Variants in LIPH observed in about 807,000 individuals in gnomAD.
LIPH encodes lipase member H.
In LIPH, 32 loss-of-function variants were observed where a neutral mutation model predicts 47.6. That is an observed-to-expected ratio of 0.67 (90% CI 0.51 to 0.90). The LOEUF (loss-of-function observed/expected upper bound fraction) is 0.90, where lower values mean the gene tolerates loss of function less well. Ranked by LOEUF, LIPH falls within the 40% of genes least tolerant of loss-of-function variation. The pLI is 0.00. For missense variants in LIPH, 497 were observed against 541.4 expected, an observed-to-expected ratio of 0.92 and a Z score of 0.81; for synonymous variants, 190 against 195.6, an observed-to-expected ratio of 0.97 and a Z score of 0.24.
At chr3:185,526,643 A>T (rs1234799659) in intron 4 of LIPH, among the ~76,000 whole-genome samples, 2 of 133,772 alleles carry the variant, frequency 1.5e-5, no homozygotes, top group Admixed American at 8.0e-5. Flanking sequence ...AAAATAAATA[A>T]AATAAAATAA....
intron 1 of LIPH, among the ~76,000 whole-genome samples, chr3:185,544,925 C>T (rs1039502955): frequency 9.2e-5 from 14 of 152,128 alleles, no homozygotes; most frequent in Non-Finnish European, 1.8e-4. Context: ...CCACCACACC[C>T]GGCCTCATTC....
intron 1 of LIPH, among the ~76,000 whole-genome samples, chr3:185,551,720 T>G (rs1166968956): frequency 6.6e-6 from 1 of 152,114 alleles, no homozygotes; most frequent in Non-Finnish European, 1.5e-5. Flanking sequence ...ATATTTACCC[T>G]TTGCCCTTCA....
Position 185,511,551 on chromosome 3 carries a change from T to A in LIPH, c.1241A>T (p.Lys414Met), listed in dbSNP as rs544409940. The change falls in exon 9 of 10, where the codon AAG becomes ATG. Residue 414 changes from lysine to methionine, a missense_variant. By Grantham distance (95) the Lys-to-Met change is moderately conservative (BLOSUM62 -1). Coordinates refer to ENST00000296252, the MANE Select transcript of LIPH (RefSeq NM_139248.3). ...CTCCGGATGGGCAAGGGACCTTAAC[T>A]TCATTCGGAGAATCCTGAGCTTGTA... ...PRYKLRILRMKLRSLAHPERP... is the reference protein window; with the variant it reads ...PRYKLRILRMMLRSLAHPERP... 6.2e-7 allele frequency: 1 copy of A among 1,614,158 alleles called. No homozygotes were observed. The highest frequency in any genetic ancestry group is 1.3e-5 in the African/African-American group (1 of 75,042).
At chr3:185,527,011 G>A (rs1480930894) in intron 4 of LIPH, among the ~76,000 whole-genome samples, 2 of 152,064 alleles carry the variant, frequency 1.3e-5, no homozygotes, top group African/African-American at 4.8e-5. Flanking sequence ...AGGCCGAGGC[G>A]GGCGGATCAC....
intron 1 of LIPH, among the ~76,000 whole-genome samples, chr3:185,539,559 C>T (rs1238267791): frequency 2.6e-5 from 4 of 151,368 alleles, no homozygotes; most frequent in African/African-American, 4.9e-5. Context: ...TTAGTAGAGA[C>T]GGGGTTTCAC....
intron 5 of LIPH, among the ~76,000 whole-genome samples, 188 bp downstream of exon 5, chr3:185,523,883 T>G (rs1272222312): frequency 6.6e-6 from 1 of 151,696 alleles, no homozygotes; most frequent in Non-Finnish European, 1.5e-5. Flanking sequence ...TCACCACACC[T>G]GGATAATTTT....
chr3:185,528,443 C>G (rs1232624014), intron 3 of LIPH, among the ~76,000 whole-genome samples: 3 of 152,072 alleles, frequency 2.0e-5, no homozygotes, highest in African/African-American at 7.2e-5. Context: ...TAAAGAACTT[C>G]CACTCTTATT....
chr3:185,539,608 C>A (rs1243917876), intron 1 of LIPH, among the ~76,000 whole-genome samples: 7 of 149,838 alleles, frequency 4.7e-5, no homozygotes, highest in Non-Finnish European at 1.0e-4. Flanking sequence ...AGACTTCAGG[C>A]GATCCACCCG....
In LIPH at chr3:185,534,755, A is replaced by G. The variant is rs778725925; in HGVS notation, c.417+10T>C. ...ACTTAGCTCTGAATCATCTAAGAGA[A>G]TTCTCTTACCAACATCTGGTCAATA... On this transcript the variant is annotated intron_variant, in intron 2 of 9. Coordinates refer to ENST00000296252, the MANE Select transcript of LIPH (RefSeq NM_139248.3). 3 of 1,612,834 alleles carry G rather than the reference A, an allele frequency of 1.9e-6. No homozygotes were observed. The South Asian group carries it at 3.3e-5, about 18-fold the overall frequency.
At chr3:185,544,270 G>A (rs1720800570) in intron 1 of LIPH, among the ~76,000 whole-genome samples, 1 of 151,872 alleles carries the variant, frequency 6.6e-6, no homozygotes, top group Admixed American at 6.6e-5. Context: ...TTTCCTTCAG[G>A]AAAAATCAAT....
At chr3:185,522,510 GGGAA>G (rs1719923595) in intron 5 of LIPH, among the ~76,000 whole-genome samples, 1 of 145,792 alleles carries the variant, frequency 6.9e-6, no homozygotes, top group Non-Finnish European at 1.5e-5. Flanking sequence ...GAAGGAAGGA[GGGAA>G]GGAAGGAAGG....
chr3:185,536,246 T>C (rs1720499630), intron 1 of LIPH, among the ~76,000 whole-genome samples: 1 of 152,142 alleles, frequency 6.6e-6, no homozygotes, highest in East Asian at 1.9e-4. Context: ...CTCAATAACA[T>C]GTGGAACAGC....
chr3:185,540,765 T>C (rs1720678628), intron 1 of LIPH, among the ~76,000 whole-genome samples: 1 of 151,772 alleles, frequency 6.6e-6, no homozygotes, highest in South Asian at 2.1e-4. Flanking sequence ...TCCTTTTTCA[T>C]GGAATGTAGA....
chr3:185,546,880 A>G (rs1236776841), intron 1 of LIPH: 2 of 449,744 alleles, frequency 4.4e-6, no homozygotes, highest in African/African-American at 2.0e-5. Flanking sequence ...CTTCTACCTC[A>G]TTTTGGAGGA....
At chr3:185,551,799 A>G (rs1721056552) in intron 1 of LIPH, among the ~76,000 whole-genome samples, 1 of 152,228 alleles carries the variant, frequency 6.6e-6, no homozygotes, top group East Asian at 1.9e-4. Flanking sequence ...AAGGTTGCAA[A>G]GTGTTGAATT....
chr3:185,534,793 A>G lies in LIPH; in HGVS notation c.389T>C (p.Val130Ala). ...CATCTGGTCAATAAATTCCTTCAAG[A>G]CCATGGCTACTTTTCTGGTCTTACT... ...ASSKTRKVAM[V>A]LKEFIDQMLA... is the part of the protein sequence containing the mutation. The change falls in exon 2 of 10, where the codon GTC becomes GCC. Residue 130 changes from valine to alanine, a missense_variant. Transcript: ENST00000296252. 6.2e-7 allele frequency: 1 copy of G among 1,613,732 alleles called. No individual in the cohort carries two copies. The highest frequency in any genetic ancestry group is 8.5e-7 in the Non-Finnish European group (1 of 1,179,772).
At chr3:185,514,136 G>A (rs1719653122) in intron 8 of LIPH, among the ~76,000 whole-genome samples, 1 of 152,040 alleles carries the variant, frequency 6.6e-6, no homozygotes, top group Non-Finnish European at 1.5e-5. Context: ...GGGAGAAAGA[G>A]AGGGAAAGAG....
At chr3:185,518,429 G>A (rs946672388) in intron 6 of LIPH, among the ~76,000 whole-genome samples, 6 of 151,998 alleles carry the variant, frequency 3.9e-5, no homozygotes, top group South Asian at 2.1e-4. Flanking sequence ...TCAGGCGCCC[G>A]CCACCATGCC....
At chr3:185,514,360 C>G in intron 8 of LIPH, 50 bp downstream of exon 8, 1 of 830,088 alleles carries the variant, frequency 1.2e-6, no homozygotes, top group Non-Finnish European at 2.2e-6. Flanking sequence ...TTTAATTTCT[C>G]TGAGCAAAAA....
Sources: allele counts gnomAD v4.1 joint callset (sites outside exome capture counted in the v4.1 genomes callset), GRCh38; gene constraint gnomAD v4.1.1; transcripts MANE v1.5; gene names NCBI Gene and HGNC (gene_info 2026-07-23, HGNC 2026-07-21).